NCAN: variants seen among roughly 807,000 people sequenced by gnomAD.
NCAN encodes neurocan core protein.
NCAN carries 47 observed loss-of-function variants against 121.8 expected under a neutral mutation model. The ratio of observed to expected loss-of-function variants is 0.39; its 90% CI spans 0.31 to 0.49. The LOEUF is 0.49. NCAN is among the 20% of genes least tolerant of loss of function. NCAN has a pLI of 0.92. For missense variants in NCAN, 1,517 were observed against 1,773.4 expected (o/e 0.86, Z 2.60); for synonymous variants, 633 against 702.0 (o/e 0.90, Z 1.55).
At chr19:19,244,205 C>T (rs1025096055) in intron 12 of NCAN, among the ~76,000 whole-genome samples, 1 of 151,990 alleles carries the variant, frequency 6.6e-6, no homozygotes, top group Non-Finnish European at 1.5e-5. Flanking sequence ...CCCCACTGGG[C>T]TTTGTCTGTT....
intron 8 of NCAN, among the ~76,000 whole-genome samples, chr19:19,230,114 G>A (rs1267579130): frequency 6.6e-6 from 1 of 150,404 alleles, no homozygotes; most frequent in Non-Finnish European, 1.5e-5. Flanking sequence ...GTGTGATCTC[G>A]GCGCACTGCA....
Position 19,238,402 on chromosome 19 carries a change from T to C in NCAN, c.3400T>C (p.Phe1134Leu). 1 of 1,614,126 alleles carries C rather than the reference T, an allele frequency of 6.2e-7. No individual in the cohort carries two copies. Among genetic ancestry groups the C allele is most frequent in the Non-Finnish European group, 8.5e-7 (1 of 1,180,028 alleles). The change falls in exon 11 of 15, where the codon TTC (phenylalanine) becomes CTC (leucine). Residue 1134 changes from phenylalanine to leucine, a missense_variant. Physicochemically the swap from Phe to Leu is conservative, Grantham distance 22. Coordinates refer to ENST00000252575, the MANE Select transcript of NCAN (RefSeq NM_004386.3). ...TSVHSPEEHS[F>L]INSFGHENTW... Reference sequence around the variant, plus strand: ...CGTCCACTCACCGGAGGAACACAGCTTCATTAATAGTAGGGGCTCTGGGGA... The same window carrying C: ...CGTCCACTCACCGGAGGAACACAGCCTCATTAATAGTAGGGGCTCTGGGGA...
chr19:19,249,659 G>T, intron 14 of NCAN, 107 bp from the exon 15 acceptor site: 1 of 1,484,348 alleles, frequency 6.7e-7, no homozygotes, highest in Non-Finnish European at 9.0e-7. Flanking sequence ...GAGCCCTCGC[G>T]TCTGGCCTCT....
chr19:19,236,831 C>T (rs926521116), intron 10 of NCAN, among the ~76,000 whole-genome samples: 3 of 151,782 alleles, frequency 2.0e-5, no homozygotes, highest in Non-Finnish European at 4.4e-5. Context: ...CAGGCTCAAG[C>T]GATTCTCTTG....
At chr19:19,218,725 G>A (rs565182007) in intron 2 of NCAN, among the ~76,000 whole-genome samples, 190 bp from the exon 3 acceptor site, 1 of 152,246 alleles carries the variant, frequency 6.6e-6, no homozygotes, top group South Asian at 2.1e-4. Flanking sequence ...GCCCGCCTTG[G>A]TCTCTCAAAG....
intron 8 of NCAN, among the ~76,000 whole-genome samples, chr19:19,233,244 T>A (rs1055063308): frequency 1.1e-4 from 17 of 152,238 alleles, no homozygotes; most frequent in African/African-American, 2.6e-4. Context: ...TCTTTTTTTT[T>A]AATTTAATTT....
Position 19,226,893 on chromosome 19 carries a change from C to T in NCAN, c.1480C>T (p.Gln494Ter). The change falls in exon 7 of 15, where the codon CAG becomes TAG. Residue 494 changes from glutamine (Q) to a stop codon, truncating the protein, a stop_gained. Transcript: ENST00000252575. LOFTEE classifies it high-confidence loss of function. Reference protein sequence around the residue: ...KGLNGRYFQQQEPEPGLQGGM... With the variant: ...KGLNGRYFQQ ...GTTGAATGGGCGCTACTTCCAGCAG[C>T]AGGAACCGGAGCCGGGGCTGCAAGG... 6.2e-7 allele frequency: 1 copy of T among 1,609,772 alleles called. No homozygotes were observed. The highest frequency in any genetic ancestry group is 8.5e-7 in the Non-Finnish European group (1 of 1,177,774).
intron 8 of NCAN, 34 bp downstream of exon 8, chr19:19,228,673 T>C: frequency 6.4e-7 from 1 of 1,566,512 alleles, no homozygotes; most frequent in South Asian, 1.2e-5. Context: ...TGTCCAGCTC[T>C]CCATGGTCAG....
intron 8 of NCAN, among the ~76,000 whole-genome samples, chr19:19,232,280 C>A (rs2060862974): frequency 6.6e-6 from 1 of 152,190 alleles, no homozygotes; most frequent in Admixed American, 6.5e-5. Flanking sequence ...AGCTACCCAC[C>A]CGCCGCTTGC....
At chr19:19,226,399 C>A in intron 6 of NCAN, 87 bp from the exon 7 acceptor site, 2 of 1,036,264 alleles carry the variant, frequency 1.9e-6, no homozygotes, top group Non-Finnish European at 2.8e-6. Context: ...GCTTATGCTG[C>A]AGCATGCTGG....
intron 6 of NCAN, 31 bp from the exon 7 acceptor site, chr19:19,226,455 C>G: frequency 6.6e-7 from 1 of 1,518,052 alleles, no homozygotes; most frequent in South Asian, 1.3e-5. Flanking sequence ...ACCCCTGGGC[C>G]TAACACAACC....
chr19:19,215,112 G>A (rs2060791655), intron 1 of NCAN, among the ~76,000 whole-genome samples: 1 of 152,088 alleles, frequency 6.6e-6, no homozygotes, highest in African/African-American at 2.4e-5. Context: ...TTGCCGCTGC[G>A]TTGCCGCCTC....
In NCAN at chr19:19,225,035, G is replaced by A; in HGVS notation, c.837G>A (p.Gln279=). ...TGACACTGGCCGGCGCGCGTGCACAGTGCCGCCGCCAGGGTGCCGCGCTGG... is the reference window on the plus strand; with the variant it reads ...TGACACTGGCCGGCGCGCGTGCACAATGCCGCCGCCAGGGTGCCGCGCTGG... ...RRLTLAGARA[Q]CRRQGAALAS... is the part of the protein sequence containing the mutation. Residue 279 remains glutamine, a synonymous_variant, in exon 6 of 15, where the codon CAG becomes CAA. Transcript: ENST00000252575. This position sits in a 1 kb window ranked among gnomAD's most constrained non-coding sequence, Gnocchi z 4.0. 2 of 1,501,498 alleles carry A rather than the reference G, an allele frequency of 1.3e-6. No individual in the cohort carries two copies. The highest frequency in any genetic ancestry group is 2.6e-5 in the East Asian group (1 of 37,804). The allele number at this position is 1,501,498 out of a possible 1,614,324, so 93.0% of individuals were successfully genotyped here.
chr19:19,221,694 T>C (rs1177569730), intron 3 of NCAN, among the ~76,000 whole-genome samples: 1 of 152,100 alleles, frequency 6.6e-6, no homozygotes, highest in Non-Finnish European at 1.5e-5. Context: ...AAGACCAGTC[T>C]GAGCAAGATG....
chr19:19,240,508 T>C, intron 11 of NCAN, 95 bp from the exon 12 acceptor site: 1 of 1,207,682 alleles, frequency 8.3e-7, no homozygotes. Flanking sequence ...AGGAATTCTT[T>C]CCTCCCACAC....
intron 11 of NCAN, chr19:19,238,786 G>A (rs930074506): frequency 6.0e-6 from 2 of 335,710 alleles, no homozygotes; most frequent in Non-Finnish European, 1.2e-5. Context: ...AGTCTATACT[G>A]TAATTCAACA....
Position 19,227,197 on chromosome 19 carries a change from G to T in NCAN, c.1661-84G>T. On this transcript the variant is annotated intron_variant, in intron 7 of 14. Coordinates refer to ENST00000252575, the MANE Select transcript of NCAN (RefSeq NM_004386.3). This position sits in a 1 kb window ranked among gnomAD's most constrained non-coding sequence, Gnocchi z 4.2. ...ATCCCAGCTGGGTCCTCTGGCCCCAGAAGCCCCCTCTCCCTTGGGCCTGGA... is the reference window on the plus strand; with the variant it reads ...ATCCCAGCTGGGTCCTCTGGCCCCATAAGCCCCCTCTCCCTTGGGCCTGGA... 6.7e-7 allele frequency: 1 copy of T among 1,497,062 alleles called. No individual in the cohort carries two copies. The allele number at this position is 1,497,062 out of a possible 1,614,324, so 92.7% of individuals were successfully genotyped here.
At chr19:19,213,511 G>A (rs1001485600) in intron 1 of NCAN, among the ~76,000 whole-genome samples, 2 of 149,840 alleles carry the variant, frequency 1.3e-5, no homozygotes, top group Non-Finnish European at 3.0e-5. Flanking sequence ...TATGTGGGGG[G>A]GGGGGGGCCC....
chr19:19,217,935 C>T (rs1306564437), intron 2 of NCAN, among the ~76,000 whole-genome samples: 3 of 147,478 alleles, frequency 2.0e-5, no homozygotes, highest in East Asian at 2.0e-4. Flanking sequence ...TGCAGTGAGC[C>T]GAGATCATGC....
Sources: gnomAD v4.1 joint callset for allele counts (sites outside exome capture counted in the v4.1 genomes callset) on GRCh38, gnomAD v4.1.1 for gene constraint, Gnocchi (gnomAD v3.1) non-coding constraint, MANE v1.5 for transcripts, NCBI Gene and HGNC (gene_info 2026-07-23, HGNC 2026-07-21) for gene names.